ANKRD2: variants seen among roughly 807,000 people sequenced by gnomAD.
ANKRD2 encodes ankyrin repeat domain-containing protein 2.
A neutral mutation model predicts 37.3 loss-of-function variants in ANKRD2; 35 were observed. The ratio of observed to expected loss-of-function variants is 0.94; its 90% CI spans 0.72 to 1.24. The LOEUF (loss-of-function observed/expected upper bound fraction) is 1.24. ANKRD2 is among the 50% of genes most tolerant of loss of function. ANKRD2 has a pLI of 0.00. For synonymous variants in ANKRD2, 159 were observed against 186.5 expected (o/e 0.85, Z 1.20); for missense variants, 410 against 445.6 (o/e 0.92, Z 0.72).
intron 4 of ANKRD2, 136 bp downstream of exon 4, chr10:97,578,741 G>C (rs895436461): frequency 4.4e-6 from 3 of 677,246 alleles, no homozygotes. Context: ...TGGCTGGGGC[G>C]CTCAGAATGG....
upstream of ANKRD2, chr10:97,572,466 C>A: frequency 3.8e-6 from 2 of 522,424 alleles, no homozygotes; most frequent in South Asian, 3.2e-5. Context: ...CCAGCAGTTC[C>A]CTTTTGCAAC....
chr10:97,580,887 G>T lies in ANKRD2; in HGVS notation c.489G>T (p.Leu163=), dbSNP rs1216565205. The change falls in exon 5 of 9, where the codon CTG becomes CTT. Residue 163 remains leucine, a synonymous_variant. Coordinates refer to ENST00000370655, the MANE Select transcript of ANKRD2 (RefSeq NM_001346793.2). ...GGACAGCACTGCACCGAGCTTCCCT[G>T]GAAGGCCACATGGAAATCCTGGAGA... ...FRRTALHRAS[L]EGHMEILEKL... is the part of the protein sequence containing the mutation. The T allele has an allele frequency of 3.1e-6, 5 of 1,611,326 alleles. No individual in the cohort carries two copies. In the South Asian group the frequency reaches 5.5e-5, roughly 18 times the overall value.
At chr10:97,581,014 C>T in intron 5 of ANKRD2, 61 bp downstream of exon 5, 1 of 1,430,716 alleles carries the variant, frequency 7.0e-7, no homozygotes, top group Non-Finnish European at 9.6e-7. Flanking sequence ...TGACAGACAC[C>T]CTCTCCCTGC....
At chr10:97,578,164 C>CCAAA in intron 2 of ANKRD2, 76 bp from the exon 3 acceptor site, 1 of 1,387,896 alleles carries the variant, frequency 7.2e-7, no homozygotes, top group Non-Finnish European at 9.8e-7. Context: ...CCCTCCCCAC[C>CCAAA]AGCTTAGCTC....
chr10:97,574,668 G>A (rs141095984), intron 1 of ANKRD2, among the ~76,000 whole-genome samples: 301 of 152,224 alleles, frequency 2.0e-3, no homozygotes, highest in African/African-American at 6.8e-3. Context: ...GGAGGTAGAT[G>A]CCATTCAAAA....
At chr10:97,578,207 C>T (rs552282155) in intron 2 of ANKRD2, 33 bp from the exon 3 acceptor site, 52 of 1,600,940 alleles carry the variant, frequency 3.2e-5, no homozygotes, top group African/African-American at 1.3e-5. Context: ...ACTCTCTGCC[C>T]GGCCTGGGGG....
In ANKRD2 at chr10:97,581,356, A is replaced by G. The variant is rs770380531; in HGVS notation, c.596A>G (p.His199Arg). The stretch of plus-strand genomic sequence containing the variant: ...ATGCATTGGGCCTGCCGCGGGGGCC[A>G]CTTAGAGGTGGTGAAACTTCTGCAA... The part of the protein sequence containing the change: ...TAMHWACRGG[H>R]LEVVKLLQSH... The change falls in exon 6 of 9, where the codon CAC (histidine) becomes CGC (arginine). Residue 199 changes from histidine to arginine, a missense_variant. Physicochemically the swap from His to Arg is conservative, Grantham distance 29. Transcript: ENST00000370655. 6 of 1,614,182 alleles carry G rather than the reference A, an allele frequency of 3.7e-6. No individual in the cohort carries two copies. Among genetic ancestry groups the G allele is most frequent in the Non-Finnish European group, 5.1e-6 (6 of 1,180,020 alleles).
At chr10:97,576,068 A>T (rs1310572812) in intron 1 of ANKRD2, among the ~76,000 whole-genome samples, 2 of 152,226 alleles carry the variant, frequency 1.3e-5, no homozygotes, top group East Asian at 3.8e-4. Flanking sequence ...ACCTCAAACC[A>T]TGAAGCCCAA....
At chr10:97,575,405 C>G (rs2040814901) in intron 1 of ANKRD2, among the ~76,000 whole-genome samples, 1 of 152,202 alleles carries the variant, frequency 6.6e-6, no homozygotes, top group Non-Finnish European at 1.5e-5. Context: ...TGCTTGCCAT[C>G]ATCCATTCGA....
In ANKRD2 at chr10:97,572,810, T is replaced by C. The variant is rs1229087815; in HGVS notation, c.22T>C (p.Ser8Pro). The change falls in exon 1 of 9, where the codon TCC becomes CCC. Residue 8 changes from serine (S) to proline (P), a missense_variant. Physicochemically the swap from Ser to Pro is moderately conservative, Grantham distance 74. Coordinates refer to ENST00000370655, the MANE Select transcript of ANKRD2 (RefSeq NM_001346793.2). The part of the protein sequence containing the change: MDGTMED[S>P]EAVQRATALI... ...GGTTATGGACGGCACCATGGAGGACTCCGAGGCGGTGCAGAGGGCCACAGC... is the reference window on the plus strand; with the variant it reads ...GGTTATGGACGGCACCATGGAGGACCCCGAGGCGGTGCAGAGGGCCACAGC... The C allele has an allele frequency of 6.4e-7, 1 of 1,574,104 alleles. No individual in the cohort carries two copies.
Position 97,583,862 on chromosome 10 carries a change from A to G in ANKRD2, c.*137A>G, listed in dbSNP as rs558102057. The stretch of plus-strand genomic sequence containing the variant: ...AGGAGCACATACCACAAACTACCAC[A>G]ATAAAAAAGCTGTTTTTGCTAATTG... On this transcript the variant is annotated 3_prime_UTR_variant, in exon 9 of 9. Transcript: ENST00000370655. 4.0e-4 allele frequency: 401 copies of G among 1,008,668 alleles called. No homozygotes were observed. In the Middle Eastern group the frequency reaches 4.0e-3, roughly 10 times the overall value. The allele number at this position is 1,008,668 out of a possible 1,614,324, so 62.5% of individuals were successfully genotyped here.
At chr10:97,578,778 C>T (rs888131085) in intron 4 of ANKRD2, among the ~76,000 whole-genome samples, 173 bp downstream of exon 4, 7 of 152,172 alleles carry the variant, frequency 4.6e-5, no homozygotes, top group African/African-American at 1.4e-4. Flanking sequence ...CAGGAATTGA[C>T]CTAAATCCTT....
Position 97,574,278 on chromosome 10 carries a change from G to A in ANKRD2, c.87+1403G>A, listed in dbSNP as rs549459358. Among the ~76,000 whole-genome samples the A allele has an allele frequency of 1.2e-4, 13 of 108,284 alleles. No individual in the cohort carries two copies. In the East Asian group the frequency reaches 2.4e-3, roughly 20 times the overall value. The allele number at this position is 108,284 out of a possible 152,430, so 71.0% of individuals were successfully genotyped here. A position where few individuals can be genotyped will look rare whatever the true frequency, so the allele number is the denominator to read the frequency against. On this transcript the variant is annotated intron_variant, in intron 1 of 8. Coordinates refer to ENST00000370655, the MANE Select transcript of ANKRD2 (RefSeq NM_001346793.2). ...AGCCTGGGTGACAGAGGGAGACTCC[G>A]TCTCAAAAAAAAAAAAAAGGGGACT... is the stretch of plus-strand genomic sequence containing the variant.
Position 97,580,927 on chromosome 10 carries a change from G to T in ANKRD2, c.529G>T (p.Gly177Trp), listed in dbSNP as rs1165790974. The T allele has an allele frequency of 3.1e-6, 5 of 1,603,220 alleles. No homozygotes were observed. Among genetic ancestry groups the T allele is most frequent in the Non-Finnish European group, 4.3e-6 (5 of 1,175,132 alleles). The part of the protein sequence containing the change: ...MEILEKLLDN[G>W]ATVDFQDRLD... The stretch of plus-strand genomic sequence containing the variant: ...AATCCTGGAGAAGCTTCTAGATAAT[G>T]GGGCCACTGTGGACTTCCAGGATCG... The change falls in exon 5 of 9, where the codon GGG becomes TGG. Residue 177 changes from glycine (G) to tryptophan (W), a missense_variant. Gly to Trp is a radical substitution (Grantham distance 184). Transcript: ENST00000370655.
intron 5 of ANKRD2, 135 bp from the exon 6 acceptor site, chr10:97,581,181 G>A: frequency 2.2e-6 from 2 of 897,410 alleles, no homozygotes; most frequent in Middle Eastern, 2.2e-4. Context: ...GTTCCACTTG[G>A]TCCATTGCCC....
At chr10:97,573,798 A>G (rs1023550017) in intron 1 of ANKRD2, among the ~76,000 whole-genome samples, 1 of 152,204 alleles carries the variant, frequency 6.6e-6, no homozygotes, top group Admixed American at 6.5e-5. Context: ...AGCTGTAGAA[A>G]TGGGTGGACC....
In ANKRD2 at chr10:97,582,644, G is replaced by A. The variant is rs189137268; in HGVS notation, c.794G>A (p.Arg265His). Residue 265 changes from arginine (R) to histidine (H), a missense_variant, in exon 8 of 9, where the codon CGC becomes CAC. Transcript: ENST00000370655. Reference sequence around the variant, plus strand: ...CTGCATGACGCTGTGAGGCTCAACCGCTACAAAATCATCAAACTGCTGCTC... The same window carrying A: ...CTGCATGACGCTGTGAGGCTCAACCACTACAAAATCATCAAACTGCTGCTC... ...TALHDAVRLN[R>H]YKIIKLLLLH... 53 of 1,614,150 alleles carry A rather than the reference G, an allele frequency of 3.3e-5. No homozygotes were observed. Among genetic ancestry groups the A allele is most frequent in the African/African-American group, 5.3e-5 (4 of 75,042 alleles).
chr10:97,574,537 T>G (rs2040799987), intron 1 of ANKRD2, among the ~76,000 whole-genome samples: 2 of 152,150 alleles, frequency 1.3e-5, no homozygotes, highest in Admixed American at 1.3e-4. Context: ...TAAATGTTAT[T>G]GAGTGAGGGA....
At chr10:97,582,850 A>G in intron 8 of ANKRD2, 148 bp downstream of exon 8, 2 of 678,662 alleles carry the variant, frequency 2.9e-6, no homozygotes, top group East Asian at 2.7e-5. Context: ...CCTCTTCCAG[A>G]GCACCATTCC....
Sources: allele counts gnomAD v4.1 joint callset (sites outside exome capture counted in the v4.1 genomes callset), GRCh38; gene constraint gnomAD v4.1.1; transcripts MANE v1.5; gene names NCBI Gene and HGNC (gene_info 2026-07-23, HGNC 2026-07-21).